CACHD1: variants seen among roughly 807,000 people sequenced by gnomAD.
CACHD1 encodes cache domain containing 1, also known as VWFA and cache domain-containing protein 1.
In CACHD1, 71 loss-of-function variants were observed where a neutral mutation model predicts 138.7. That is an observed-to-expected ratio of 0.51 (90% CI 0.42 to 0.62). The LOEUF (loss-of-function observed/expected upper bound fraction) is 0.62, where lower values mean the gene tolerates loss of function less well. Ranked by LOEUF, CACHD1 falls within the 20% of genes least tolerant of loss-of-function variation. The pLI is 0.00. For missense variants in CACHD1, 1,389 were observed against 1,625.3 expected (o/e 0.85, Z 2.50); for synonymous variants, 578 against 591.5 (o/e 0.98, Z 0.33).
intron 7 of CACHD1, among the ~76,000 whole-genome samples, chr1:64,641,384 C>G (rs1162119834): frequency 6.6e-6 from 1 of 151,968 alleles, no homozygotes; most frequent in African/African-American, 2.4e-5. Context: ...CCTGAAGAGC[C>G]CGAAAGAGTC....
intron 5 of CACHD1, among the ~76,000 whole-genome samples, 165 bp downstream of exon 5, chr1:64,629,646 T>C (rs1320918387): frequency 6.6e-6 from 1 of 152,066 alleles, no homozygotes; most frequent in African/African-American, 2.4e-5. Flanking sequence ...GGATGTGAAA[T>C]TCCAGGCAAG....
At chr1:64,672,352 T>C (rs929920117) in intron 17 of CACHD1, among the ~76,000 whole-genome samples, 1 of 152,226 alleles carries the variant, frequency 6.6e-6, no homozygotes, top group Non-Finnish European at 1.5e-5. Flanking sequence ...CTTCATTTAT[T>C]GTTTCTATCA....
intron 1 of CACHD1, among the ~76,000 whole-genome samples, chr1:64,477,634 A>ATTATT (rs1231966567): frequency 0.018 from 2,432 of 131,690 alleles, 86 homozygotes; most frequent in African/African-American, 0.068. Context: ...ATTTTATTTT[A>ATTATT]TTTTTTTTTT....
rs1204725604 is a variant in CACHD1 at position 64,663,710 on chromosome 1, T to G, written c.1967T>G (p.Met656Arg). 7 of 1,614,018 alleles carry G rather than the reference T, an allele frequency of 4.3e-6. No individual in the cohort carries two copies. Among genetic ancestry groups the G allele is most frequent in the Non-Finnish European group, 1.7e-6 (2 of 1,180,032 alleles). ...QLATLESPTI[M>R]LSAGSFSSPY... ...TCTCTTTCAGAAAGTCCCACCATCA[T>G]GCTGTCTGCTGGCAGCTTTTCCTCC... The change falls in exon 14 of 27, where the codon ATG (methionine) becomes AGG (arginine). Residue 656 changes from methionine to arginine, a missense_variant. By Grantham distance (91) the Met-to-Arg change is moderately conservative (BLOSUM62 -1). This residue lies in a region of CACHD1 where 1,000 missense variants were observed against 1,114.7 expected (regional missense o/e 0.90). Coordinates refer to ENST00000651257, the MANE Select transcript of CACHD1 (RefSeq NM_020925.4).
intron 3 of CACHD1, among the ~76,000 whole-genome samples, chr1:64,598,314 GGCTTTTCAT>G (rs1570403422): frequency 6.6e-6 from 1 of 152,152 alleles, no homozygotes. Flanking sequence ...TTGATTTCTA[GGCTTTTCAT>G]GCTAACTTGA....
chr1:64,691,359 ATCC>A lies in CACHD1; in HGVS notation c.3627_3629del (p.Pro1210del), dbSNP rs1185249256. 1.2e-6 allele frequency: 2 copies of A among 1,613,772 alleles called. No homozygotes were observed. Among genetic ancestry groups the A allele is most frequent in the Non-Finnish European group, 1.7e-6 (2 of 1,179,986 alleles). The stretch of plus-strand genomic sequence containing the variant: ...ATGAGCCCACAGGAGGACAGTGAAA[ATCC>A]TCCATGCAACAATGACCCCTTGTCA... On this transcript the variant is annotated inframe_deletion, in exon 27 of 27. Transcript: ENST00000651257.
At chr1:64,634,622 C>A (rs1429362755) in intron 7 of CACHD1, among the ~76,000 whole-genome samples, 1 of 152,078 alleles carries the variant, frequency 6.6e-6, no homozygotes, top group Non-Finnish European at 1.5e-5. Flanking sequence ...TGAACTCAAG[C>A]AATCCACCTG....
intron 2 of CACHD1, 119 bp from the exon 3 acceptor site, chr1:64,582,037 T>C (rs1397871464): frequency 2.6e-6 from 3 of 1,165,544 alleles, no homozygotes; most frequent in Non-Finnish European, 2.4e-6. Context: ...GTGTGTTGTT[T>C]GTTTTACTTG....
At position 64,647,858 on chromosome 1, in the gene CACHD1, C is replaced by T. The variant is rs1280238373; in HGVS notation, c.1214C>T (p.Ser405Leu). ...CTGAGGGATCTAGCTGAACAGAATTCAGGGAAGTACGGTGTGCCAGACCGG... is the reference window on the plus strand; with the variant it reads ...CTGAGGGATCTAGCTGAACAGAATTTAGGGAAGTACGGTGTGCCAGACCGG... ...AFLRDLAEQNSGKYGVPDRMA... is the reference protein window; with the variant it reads ...AFLRDLAEQNLGKYGVPDRMA... The change falls in exon 9 of 27, where the codon TCA becomes TTA. Residue 405 changes from serine (S) to leucine (L), a missense_variant. Physicochemically the swap from Ser to Leu is moderately radical, Grantham distance 145. Transcript: ENST00000651257. 17 of 1,614,134 alleles carry T rather than the reference C, an allele frequency of 1.1e-5. No individual in the cohort carries two copies. The highest frequency in any genetic ancestry group is 1.4e-5 in the Non-Finnish European group (16 of 1,180,030).
At chr1:64,625,513 G>A (rs1397069549) in intron 4 of CACHD1, among the ~76,000 whole-genome samples, 2 of 152,048 alleles carry the variant, frequency 1.3e-5, no homozygotes, top group African/African-American at 4.8e-5. Context: ...TGTAATCCCA[G>A]CTACTTGGGC....
At chr1:64,652,083 T>C (rs935263505) in intron 9 of CACHD1, 78 bp from the exon 10 acceptor site, 1 of 1,281,450 alleles carries the variant, frequency 7.8e-7, no homozygotes, top group African/African-American at 1.5e-5. Flanking sequence ...GCCTTCATGA[T>C]TCACCGGAGC....
chr1:64,538,935 C>A (rs1025202557), intron 1 of CACHD1, among the ~76,000 whole-genome samples: 4 of 152,160 alleles, frequency 2.6e-5, no homozygotes, highest in African/African-American at 9.7e-5. Context: ...ATTTTTTGAA[C>A]AAGTATTTCT....
At chr1:64,554,459 C>G (rs1017410996) in intron 2 of CACHD1, among the ~76,000 whole-genome samples, 1 of 152,132 alleles carries the variant, frequency 6.6e-6, no homozygotes, top group African/African-American at 2.4e-5. Context: ...TGAATAATGC[C>G]AGACTGCTTC....
chr1:64,674,268 G>C (rs895971295), intron 19 of CACHD1, among the ~76,000 whole-genome samples: 1 of 152,162 alleles, frequency 6.6e-6, no homozygotes, highest in Non-Finnish European at 1.5e-5. Context: ...TTCAAAGCAA[G>C]GGAAGTCATT....
intron 16 of CACHD1, among the ~76,000 whole-genome samples, chr1:64,666,554 G>T (rs536415811): frequency 1.3e-5 from 2 of 152,242 alleles, no homozygotes; most frequent in South Asian, 4.2e-4. Flanking sequence ...TTGCCAGAGA[G>T]TGTTTCCCAA....
At chr1:64,524,325 A>G (rs538156452) in intron 1 of CACHD1, among the ~76,000 whole-genome samples, 26 of 152,352 alleles carry the variant, frequency 1.7e-4, no homozygotes, top group Middle Eastern at 3.4e-3. Context: ...TGATTACTGT[A>G]TGAATAATTT....
chr1:64,649,152 TA>T (rs1372427898), intron 9 of CACHD1, among the ~76,000 whole-genome samples: 1 of 152,190 alleles, frequency 6.6e-6, no homozygotes, highest in African/African-American at 2.4e-5. Context: ...AGAAACTAGG[TA>T]GACATTCTCT....
At position 64,676,863 on chromosome 1, in the gene CACHD1, C is replaced by T. The variant is rs370644017; in HGVS notation, c.2976-32C>T. ...ATGAGTTTGGAATGTGGGCGGTGGT[C>T]GTCTTAACCTCCAGACTTACCTCCT... On this transcript the variant is annotated intron_variant, in intron 21 of 26. Transcript: ENST00000651257. 9.8e-5 allele frequency: 152 copies of T among 1,554,574 alleles called. No homozygotes were observed. The African/African-American group carries it at 1.8e-3, about 19-fold the overall frequency.
At chr1:64,625,749 T>C (rs543377470) in intron 4 of CACHD1, among the ~76,000 whole-genome samples, 1 of 152,210 alleles carries the variant, frequency 6.6e-6, no homozygotes, top group African/African-American at 2.4e-5. Context: ...AAACTGCATT[T>C]GTACCCCCTA....
Sources: allele counts gnomAD v4.1 joint callset (sites outside exome capture counted in the v4.1 genomes callset), GRCh38; gene constraint gnomAD v4.1.1; regional missense constraint gnomAD v4.1.1; transcripts MANE v1.5; gene names NCBI Gene and HGNC (gene_info 2026-07-23, HGNC 2026-07-21).